ASB4: variants seen among roughly 807,000 people sequenced by gnomAD.
ASB4 encodes ankyrin repeat and SOCS box protein 4.
In ASB4, 35 loss-of-function variants were observed where a neutral mutation model predicts 38.6. The observed-to-expected ratio is 0.91, with a 90% CI of 0.69 to 1.20. The LOEUF is 1.20. Ranked by LOEUF, ASB4 falls within the 50% of genes most tolerant of loss-of-function variation. The pLI, the probability that ASB4 is intolerant of heterozygous loss-of-function variation, is 0.00. For missense variants in ASB4, 557 were observed against 527.2 expected, an observed-to-expected ratio of 1.06 and a Z score of -0.55; for synonymous variants, 195 against 201.3, an observed-to-expected ratio of 0.97 and a Z score of 0.26.
intron 3 of ASB4, chr7:95,528,611 T>C (rs1790778611): frequency 7.4e-7 from 1 of 1,357,236 alleles, no homozygotes; most frequent in Non-Finnish European, 9.5e-7. Flanking sequence ...GAAAGGTGAA[T>C]AGTGTTAGAC....
intron 2 of ASB4, among the ~76,000 whole-genome samples, chr7:95,521,593 T>A (rs1261365588): frequency 6.6e-6 from 1 of 151,900 alleles, no homozygotes; most frequent in East Asian, 1.9e-4. Context: ...AGATATTTAC[T>A]ATTGGGAAAA....
chr7:95,473,755 A>C (rs1470556451), upstream of ASB4: 1 of 151,942 alleles, frequency 6.6e-6, no homozygotes, highest in Non-Finnish European at 1.5e-5. Flanking sequence ...TCATTGCTGG[A>C]GAGACAGAAC....
At chr7:95,528,435 C>T in intron 3 of ASB4, 132 bp downstream of exon 3, 3 of 1,501,552 alleles carry the variant, frequency 2.0e-6, no homozygotes, top group Non-Finnish European at 2.7e-6. Flanking sequence ...TTTGACCTTC[C>T]ATTACATACC....
the ASB4 span, among the ~76,000 whole-genome samples, chr7:95,549,008 C>G: frequency 5.9e-5 from 9 of 152,068 alleles, no homozygotes; most frequent in Admixed American, 6.5e-5. Flanking sequence ...CACTTGCATA[C>G]CAATGCCTGT....
upstream of ASB4, among the ~76,000 whole-genome samples, chr7:95,481,466 G>GT (rs1210277115): frequency 6.6e-6 from 1 of 152,204 alleles, no homozygotes; most frequent in Admixed American, 6.5e-5. Flanking sequence ...ATCCATTTCT[G>GT]TAATAGCAAG....
downstream of ASB4, chr7:95,544,547 GCTTGAGTTTTAAT>G (rs1446121231): frequency 3.3e-5 from 5 of 152,262 alleles, no homozygotes; most frequent in East Asian, 9.6e-4. Flanking sequence ...GAATTCAATG[GCTTGAGTTTTAAT>G]CTTGATTGTT....
intron 2 of ASB4, among the ~76,000 whole-genome samples, chr7:95,502,846 C>G (rs1790360358): frequency 6.6e-6 from 1 of 151,994 alleles, no homozygotes; most frequent in African/African-American, 2.4e-5. Flanking sequence ...TTTAGAGTCT[C>G]AAAAAATTGC....
downstream of ASB4, chr7:95,542,277 G>A (rs906592880): frequency 6.6e-6 from 1 of 152,104 alleles, no homozygotes. Context: ...ATTAGATGCT[G>A]TCTAACTGAG....
chr7:95,503,972 C>G (rs1317460690), intron 2 of ASB4, among the ~76,000 whole-genome samples: 1 of 152,124 alleles, frequency 6.6e-6, no homozygotes, highest in Non-Finnish European at 1.5e-5. Context: ...CTACTTAATG[C>G]CCCCATCTCC....
the ASB4 span, chr7:95,471,929 G>C: frequency 2.0e-5 from 3 of 149,340 alleles, no homozygotes; most frequent in Non-Finnish European, 4.5e-5. Context: ...CTTGCCCAAG[G>C]GTGCACAACT....
chr7:95,517,488 G>T (rs1790600159), intron 2 of ASB4, among the ~76,000 whole-genome samples: 1 of 152,068 alleles, frequency 6.6e-6, no homozygotes, highest in South Asian at 2.1e-4. Flanking sequence ...AGGAGCAAAT[G>T]ATGATGCCCA....
At chr7:95,490,131 T>C (rs1474174006) in intron 1 of ASB4, among the ~76,000 whole-genome samples, 1 of 152,364 alleles carries the variant, frequency 6.6e-6, no homozygotes, top group East Asian at 1.9e-4. Flanking sequence ...AGTCATATTT[T>C]TAATTAAAAT....
chr7:95,526,724 G>C (rs1790741788), intron 2 of ASB4, among the ~76,000 whole-genome samples: 1 of 152,170 alleles, frequency 6.6e-6, no homozygotes, highest in South Asian at 2.1e-4. Flanking sequence ...ATGGTTAAGT[G>C]CTTAATAAAT....
the ASB4 span, among the ~76,000 whole-genome samples, chr7:95,546,877 A>G: frequency 6.6e-6 from 1 of 152,224 alleles, no homozygotes; most frequent in Non-Finnish European, 1.5e-5. Context: ...TGGACTCTGT[A>G]CCTGCTGTGG....
intron 2 of ASB4, among the ~76,000 whole-genome samples, chr7:95,522,046 T>C (rs1790670478): frequency 6.6e-6 from 1 of 152,164 alleles, no homozygotes; most frequent in African/African-American, 2.4e-5. Context: ...ATTTTCTCTA[T>C]GTTTGACTAT....
chr7:95,519,995 T>C (rs1790638253), intron 2 of ASB4, among the ~76,000 whole-genome samples: 1 of 152,192 alleles, frequency 6.6e-6, no homozygotes, highest in Admixed American at 6.5e-5. Flanking sequence ...AAAATCTTCA[T>C]CTAAAAAACA....
chr7:95,509,720 A>G (rs1391588227), intron 2 of ASB4, among the ~76,000 whole-genome samples: 1 of 152,158 alleles, frequency 6.6e-6, no homozygotes, highest in African/African-American at 2.4e-5. Flanking sequence ...GGGAAAACTG[A>G]AAGGAAAATA....
At chr7:95,519,686 T>C (rs1172970653) in intron 2 of ASB4, among the ~76,000 whole-genome samples, 1 of 152,200 alleles carries the variant, frequency 6.6e-6, no homozygotes, top group South Asian at 2.1e-4. Context: ...GAATAAACCA[T>C]GATAATATTT....
At chr7:95,541,286 T>G (rs1790966347), downstream of ASB4, among the ~76,000 whole-genome samples, 3 of 152,212 alleles carry the variant, frequency 2.0e-5, no homozygotes, top group Admixed American at 2.0e-4. Flanking sequence ...TTTTGAGGGT[T>G]AAGTTATTAA....
Sources: gnomAD v4.1 joint callset for allele counts (sites outside exome capture counted in the v4.1 genomes callset) on GRCh38, gnomAD v4.1.1 for gene constraint, MANE v1.5 for transcripts, NCBI Gene and HGNC (gene_info 2026-07-23, HGNC 2026-07-21) for gene names.